Variants in MAPRE2 observed in about 807,000 individuals in gnomAD.
The protein encoded by MAPRE2 is microtubule-associated protein RP/EB family member 2.
A neutral mutation model predicts 43.2 loss-of-function variants in MAPRE2; 13 were observed. The observed-to-expected ratio is 0.30, with a 90% confidence interval of 0.20 to 0.48. MAPRE2 has a LOEUF of 0.48. MAPRE2 is among the 20% of genes least tolerant of loss of function. The pLI is 0.99. For missense variants in MAPRE2, 161 were observed against 400.2 expected, an observed-to-expected ratio of 0.40 and a Z score of 5.10; for synonymous variants, 135 against 148.8, an observed-to-expected ratio of 0.91 and a Z score of 0.68.
chr18:35,082,289 CA>C (rs777649319), intron 2 of MAPRE2: 446 of 28,832 alleles, frequency 0.015, 5 homozygotes, highest in South Asian at 0.029. Flanking sequence ...GACTCCGTCT[CA>C]AAAAAAAAAA....
chr18:35,019,564 T>C (rs775960108), intron 2 of MAPRE2, among the ~76,000 whole-genome samples: 19 of 152,024 alleles, frequency 1.2e-4, no homozygotes, highest in Non-Finnish European at 2.9e-5. Context: ...TTGTCATATT[T>C]TATTTTCTTC....
At chr18:35,092,610 A>G (rs1407847276) in intron 2 of MAPRE2, among the ~76,000 whole-genome samples, 1 of 152,212 alleles carries the variant, frequency 6.6e-6, no homozygotes, top group African/African-American at 2.4e-5. Flanking sequence ...AAATAGACAA[A>G]TAGGATTATA....
At chr18:35,066,518 T>C (rs1471955125) in intron 1 of MAPRE2, among the ~76,000 whole-genome samples, 2 of 152,252 alleles carry the variant, frequency 1.3e-5, no homozygotes, top group Non-Finnish European at 2.9e-5. Flanking sequence ...TTTAATACTC[T>C]CTCACCTGAG....
At chr18:35,072,525 A>G (rs971834146) in intron 2 of MAPRE2, among the ~76,000 whole-genome samples, 9 of 152,236 alleles carry the variant, frequency 5.9e-5, no homozygotes, top group African/African-American at 9.6e-5. Flanking sequence ...GGAACTTCCT[A>G]TGCTGAAATA....
intron 2 of MAPRE2, among the ~76,000 whole-genome samples, chr18:35,094,583 A>G (rs1329582508): frequency 6.6e-6 from 1 of 152,208 alleles, no homozygotes; most frequent in African/African-American, 2.4e-5. Flanking sequence ...CACCTAGCTA[A>G]CTTTATCAGT....
intron 5 of MAPRE2, among the ~76,000 whole-genome samples, chr18:35,130,245 G>A (rs1603404067): frequency 6.6e-6 from 1 of 152,050 alleles, no homozygotes; most frequent in Admixed American, 6.5e-5. Context: ...GGGAGAGGTT[G>A]GTTTGTTTTA....
intron 2 of MAPRE2, among the ~76,000 whole-genome samples, chr18:35,076,283 A>C (rs951090962): frequency 6.6e-6 from 1 of 152,244 alleles, no homozygotes; most frequent in African/African-American, 2.4e-5. Context: ...TCAGTACAGC[A>C]GAGTACTGTC....
chr18:35,034,385 A>T (rs1000736277), intron 2 of MAPRE2, among the ~76,000 whole-genome samples: 1 of 152,202 alleles, frequency 6.6e-6, no homozygotes, highest in Admixed American at 6.5e-5. Context: ...TTAAAGACTT[A>T]AACGTTAGAA....
At chr18:35,124,344 A>G (rs1012396375) in intron 4 of MAPRE2, among the ~76,000 whole-genome samples, 1 of 152,172 alleles carries the variant, frequency 6.6e-6, no homozygotes. Context: ...ACCGCCCCCC[A>G]TGCTTCAATT....
intron 4 of MAPRE2, among the ~76,000 whole-genome samples, chr18:35,108,591 G>C (rs1323563667): frequency 1.3e-5 from 2 of 152,140 alleles, no homozygotes; most frequent in Non-Finnish European, 2.9e-5. Context: ...CCCACCAACA[G>C]TGTAAAAACA....
At chr18:35,005,582 A>G in intron 2 of MAPRE2, 1 of 1,390,880 alleles carries the variant, frequency 7.2e-7, no homozygotes, top group Non-Finnish European at 9.7e-7. Context: ...ACGTTGCATG[A>G]CTCCTTGCTT....
chr18:35,104,587 G>T (rs913168460), intron 4 of MAPRE2, among the ~76,000 whole-genome samples: 1 of 152,076 alleles, frequency 6.6e-6, no homozygotes, highest in Non-Finnish European at 1.5e-5. Context: ...AAGGTGAGAT[G>T]TCAAGGGCAT....
chr18:35,135,335 T>C (rs1910338336), intron 6 of MAPRE2, among the ~76,000 whole-genome samples: 1 of 152,190 alleles, frequency 6.6e-6, no homozygotes, highest in Admixed American at 6.5e-5. Context: ...CCATATCCTG[T>C]GCATGCATGA....
intron 2 of MAPRE2, among the ~76,000 whole-genome samples, chr18:35,013,772 G>A (rs1161042421): frequency 1.3e-5 from 2 of 152,056 alleles, no homozygotes; most frequent in South Asian, 2.1e-4. Flanking sequence ...GTGAGAATAT[G>A]CAGTGTTCAA....
At position 35,070,898 on chromosome 18, in the gene MAPRE2, T is replaced by C. The variant is rs1603397540; in HGVS notation, c.250+576T>C. Among the ~76,000 whole-genome samples the C allele has an allele frequency of 2.6e-5, 4 of 152,272 alleles. No homozygotes were observed. In the South Asian group the frequency reaches 8.3e-4, roughly 32 times the overall value. On this transcript the variant is annotated intron_variant, in intron 2 of 6. Coordinates refer to ENST00000300249, the MANE Select transcript of MAPRE2 (RefSeq NM_014268.4). ...CCCCTTCTTTTCATTTGTGGGAAAATCTTGCTCATACTTTAAAATCTGGTT... is the reference window on the plus strand; with the variant it reads ...CCCCTTCTTTTCATTTGTGGGAAAACCTTGCTCATACTTTAAAATCTGGTT...
intron 2 of MAPRE2, among the ~76,000 whole-genome samples, chr18:35,093,582 G>A (rs1908261561): frequency 6.6e-6 from 1 of 152,142 alleles, no homozygotes; most frequent in African/African-American, 2.4e-5. Context: ...ATACTGTTTA[G>A]TCATATAAAA....
chr18:35,058,317 C>G (rs1264722858), intron 1 of MAPRE2, among the ~76,000 whole-genome samples: 1 of 152,096 alleles, frequency 6.6e-6, no homozygotes, highest in Admixed American at 6.6e-5. Flanking sequence ...AAAATGTTCT[C>G]ATGAGTTTAA....
At chr18:35,118,350 G>A (rs568030097) in intron 4 of MAPRE2, among the ~76,000 whole-genome samples, 5 of 152,218 alleles carry the variant, frequency 3.3e-5, no homozygotes, top group South Asian at 2.1e-4. Flanking sequence ...GTTACTGCCC[G>A]TTTTCTCTTA....
chr18:34,992,264 A>T (rs2097024202), intron 1 of MAPRE2, among the ~76,000 whole-genome samples: 1 of 152,246 alleles, frequency 6.6e-6, no homozygotes, highest in Non-Finnish European at 1.5e-5. Flanking sequence ...TAAAATATTC[A>T]AAAGAAAACA....
Sources: allele counts gnomAD v4.1 joint callset (sites outside exome capture counted in the v4.1 genomes callset), GRCh38; gene constraint gnomAD v4.1.1; transcripts MANE v1.5; gene names NCBI Gene and HGNC (gene_info 2026-07-23, HGNC 2026-07-21).